The following ARHGEF3 variants were observed in gnomAD, a reference collection of about 807,000 sequenced individuals.
ARHGEF3 encodes Rho guanine nucleotide exchange factor 3, also known as 59.8 kDA protein.
In ARHGEF3, 28 loss-of-function variants were observed where a neutral mutation model predicts 63.2. The ratio of observed to expected loss-of-function variants is 0.44; its 90% CI spans 0.33 to 0.61. ARHGEF3 has a LOEUF of 0.61. Among genes scored for constraint, ARHGEF3 ranks in the 20% least tolerant of loss-of-function variants. ARHGEF3 has a pLI of 0.03. For synonymous variants in ARHGEF3, 266 were observed against 254.2 expected, an observed-to-expected ratio of 1.05 and a Z score of -0.44; for missense variants, 533 against 659.3, an observed-to-expected ratio of 0.81 and a Z score of 2.10.
At chr3:56,835,229 G>A (rs535873872) in intron 4 of ARHGEF3, among the ~76,000 whole-genome samples, 9 of 152,254 alleles carry the variant, frequency 5.9e-5, no homozygotes, top group South Asian at 2.1e-4. Context: ...AGGCTGGAGT[G>A]CAATGGTGTG....
intron 1 of ARHGEF3, among the ~76,000 whole-genome samples, chr3:56,781,330 C>T (rs1049694169): frequency 3.9e-5 from 6 of 151,902 alleles, no homozygotes; most frequent in African/African-American, 7.3e-5. Flanking sequence ...TCACCGCAAC[C>T]TCCACCTCTG....
chr3:56,762,632 C>T (rs2035483944), intron 2 of ARHGEF3, among the ~76,000 whole-genome samples: 2 of 152,174 alleles, frequency 1.3e-5, no homozygotes, highest in African/African-American at 2.4e-5. Context: ...CCATTTTCCA[C>T]AGCCACAGAT....
At chr3:56,949,467 G>A (rs1289715953) in intron 3 of ARHGEF3, among the ~76,000 whole-genome samples, 1 of 151,580 alleles carries the variant, frequency 6.6e-6, no homozygotes, top group Non-Finnish European at 1.5e-5. Context: ...AAAATCACAA[G>A]CATTCTTATA....
rs540485279 is a variant in ARHGEF3, at chr3:56,852,489, CACTT to C, written c.192+29799_192+29802del. Among the ~76,000 whole-genome samples the C allele has an allele frequency of 5.6e-3, 847 of 152,260 alleles. 2 individuals are homozygous for C. The highest frequency in any genetic ancestry group is 9.6e-3 in the Non-Finnish European group (656 of 68,018). On this transcript the variant is annotated intron_variant, in intron 4 of 12. Transcript: ENST00000338458. ...AGTCCCCAGAAGGTACAGCCTGACA[CACTT>C]ACACACACATGCGTGTACACGTGCA...
chr3:56,895,145 A>G (rs1160768425), intron 3 of ARHGEF3, among the ~76,000 whole-genome samples: 1 of 151,660 alleles, frequency 6.6e-6, no homozygotes, highest in African/African-American at 2.4e-5. Context: ...TTTCAAAGAC[A>G]GCTGCAGGAA....
intron 2 of ARHGEF3, among the ~76,000 whole-genome samples, chr3:56,973,024 T>C (rs1029850899): frequency 1.3e-5 from 2 of 150,534 alleles, no homozygotes; most frequent in Non-Finnish European, 3.0e-5. Flanking sequence ...TTTTTTTGTT[T>C]TTTTTTTTTT....
chr3:56,927,320 A>T (rs2042299619), intron 3 of ARHGEF3, among the ~76,000 whole-genome samples: 1 of 152,230 alleles, frequency 6.6e-6, no homozygotes, highest in Admixed American at 6.5e-5. Flanking sequence ...ATTTTGCAGC[A>T]ACATGACGGA....
At chr3:56,923,249 T>C (rs958392724) in intron 3 of ARHGEF3, among the ~76,000 whole-genome samples, 126 of 151,154 alleles carry the variant, frequency 8.3e-4, no homozygotes, top group African/African-American at 3.0e-3. Flanking sequence ...CAATGGATGA[T>C]GGGAACTTTG....
intron 4 of ARHGEF3, among the ~76,000 whole-genome samples, chr3:56,866,928 A>C (rs766424909): frequency 6.6e-6 from 1 of 152,264 alleles, no homozygotes; most frequent in Non-Finnish European, 1.5e-5. Context: ...TGGTGTTAAC[A>C]ATTCCACATC....
At chr3:56,748,921 C>A (rs146735575) in intron 6 of ARHGEF3, among the ~76,000 whole-genome samples, 1 of 151,212 alleles carries the variant, frequency 6.6e-6, no homozygotes, top group Non-Finnish European at 1.5e-5. Flanking sequence ...GGTTCCCCCC[C>A]ACCCCCCTTT....
intron 1 of ARHGEF3, among the ~76,000 whole-genome samples, chr3:57,040,474 C>CAAAGGAAAAGAAAAAAAG (rs374272554): frequency 6.9e-6 from 1 of 144,524 alleles, no homozygotes; most frequent in African/African-American, 2.7e-5. Context: ...AAGACTCCGT[C>CAAAGGAAAAGAAAAAAAG]AAAAGAAAAG....
At chr3:56,988,760 T>A (rs1478473328) in intron 2 of ARHGEF3, among the ~76,000 whole-genome samples, 1 of 152,174 alleles carries the variant, frequency 6.6e-6, no homozygotes, top group African/African-American at 2.4e-5. Flanking sequence ...CAGGCTGGGC[T>A]CATCTGGAGC....
At chr3:56,982,664 A>G (rs73093644) in intron 2 of ARHGEF3, among the ~76,000 whole-genome samples, 16,703 of 152,222 alleles carry the variant, frequency 0.11, 1,315 homozygotes, top group East Asian at 0.29. Flanking sequence ...TCTCTGAACC[A>G]TAAGTACCCA....
At chr3:57,035,617 G>A (rs1016914965) in intron 1 of ARHGEF3, among the ~76,000 whole-genome samples, 2 of 152,380 alleles carry the variant, frequency 1.3e-5, no homozygotes, top group Admixed American at 1.3e-4. Context: ...CCAAAGTGCT[G>A]GGATTACAGG....
At position 56,871,653 on chromosome 3, in the gene ARHGEF3, A is replaced by G. The variant is rs143621654; in HGVS notation, c.192+10639T>C. ...AATAATCTCACATACCAACAGGTCA[A>G]AATCTATTATTCTTATATTTTTTGC... On this transcript the variant is annotated intron_variant, in intron 4 of 12. Transcript: ENST00000338458. Among the ~76,000 whole-genome samples, 298 of 152,312 alleles carry G rather than the reference A, an allele frequency of 2.0e-3. 1 individual carries two copies. The highest frequency in any genetic ancestry group is 6.9e-3 in the African/African-American group (287 of 41,586).
rs144930782 is a variant in ARHGEF3, at chr3:56,831,711, T to C, written c.192+50581A>G. Among the ~76,000 whole-genome samples, 11 of 152,354 alleles carry C rather than the reference T, an allele frequency of 7.2e-5. No homozygotes were observed. In the East Asian group the frequency reaches 1.9e-3, roughly 27 times the overall value. ...TGAGGCCTGGTAATCAGAGATGATC[T>C]CTTCCCAGCACACTGGTGTGTACGT... On this transcript the variant is annotated intron_variant, in intron 4 of 12. Coordinates refer to the ARHGEF3 transcript ENST00000338458.
intron 3 of ARHGEF3, among the ~76,000 whole-genome samples, chr3:56,957,516 T>C (rs1403117564): frequency 6.6e-6 from 1 of 152,240 alleles, no homozygotes; most frequent in Non-Finnish European, 1.5e-5. Context: ...GGCACTGTAC[T>C]AGGCCCAGAG....
intron 3 of ARHGEF3, among the ~76,000 whole-genome samples, chr3:56,958,319 ATTTT>A (rs532097300): frequency 3.5e-4 from 47 of 133,288 alleles, no homozygotes; most frequent in Admixed American, 1.1e-3. Context: ...GGCCACTTGA[ATTTT>A]TTTTTTTTTT....
chr3:56,923,025 A>AATAT lies in ARHGEF3; in HGVS notation c.129+35794_129+35797dup, dbSNP rs72294634. Among the ~76,000 whole-genome samples, 752 of 90,502 alleles carry AATAT rather than the reference A, an allele frequency of 8.3e-3. 15 individuals are homozygous for AATAT. The highest frequency in any genetic ancestry group is 0.013 in the African/African-American group (269 of 20,586). 59.4% of individuals were successfully genotyped at this position (90,502 alleles called of 152,430 possible). ...AAATGGCAAAACCCCATCTCTACTA[A>AATAT]ATATATATATATATATATATATATA... On this transcript the variant is annotated intron_variant, in intron 3 of 12. Transcript: ENST00000338458.
Sources: allele counts gnomAD v4.1 joint callset (sites outside exome capture counted in the v4.1 genomes callset), GRCh38; gene constraint gnomAD v4.1.1; transcripts MANE v1.5; gene names NCBI Gene and HGNC (gene_info 2026-07-23, HGNC 2026-07-21).